The following TAFA2 variants were observed in gnomAD, a reference collection of about 807,000 sequenced individuals.
TAFA2 encodes chemokine-like protein TAFA-2.
TAFA2 carries 7 observed loss-of-function variants against 18.8 expected under a neutral mutation model. The ratio of observed to expected loss-of-function variants is 0.37; its 90% CI spans 0.21 to 0.70. TAFA2 has a LOEUF of 0.70. Ranked by LOEUF, TAFA2 falls within the 30% of genes least tolerant of loss-of-function variation. The pLI, the probability that TAFA2 is intolerant of heterozygous loss-of-function variation, is 0.53. For missense variants in TAFA2, 122 were observed against 158.1 expected (o/e 0.77, Z 1.23); for synonymous variants, 60 against 54.2 (o/e 1.11, Z -0.47).
intron 1 of TAFA2, among the ~76,000 whole-genome samples, chr12:62,057,467 G>GAATACA (rs1882217605): frequency 6.6e-6 from 1 of 150,884 alleles, no homozygotes; most frequent in Admixed American, 6.6e-5. Flanking sequence ...ATTATATGAG[G>GAATACA]GTTTATTCCT....
rs371973017 is a variant in TAFA2 at position 61,830,826 on chromosome 12, C to T, written c.106+36494G>A. On this transcript the variant is annotated intron_variant, in intron 2 of 4. Coordinates refer to ENST00000416284, the MANE Select transcript of TAFA2 (RefSeq NM_178539.5). ...CATTCCCATACCTCAGAATTTAATTCTACGATGAAGATATTTCACTTCGGC... is the reference window on the plus strand; with the variant it reads ...CATTCCCATACCTCAGAATTTAATTTTACGATGAAGATATTTCACTTCGGC... 8.6e-5 allele frequency among the ~76,000 whole-genome samples: 13 copies of T among 152,018 alleles called. No homozygotes were observed. The South Asian group carries it at 1.2e-3, about 15-fold the overall frequency.
intron 1 of TAFA2, among the ~76,000 whole-genome samples, chr12:62,033,157 G>A (rs1310583251): frequency 6.6e-6 from 1 of 152,120 alleles, no homozygotes; most frequent in African/African-American, 2.4e-5. Context: ...CTTTTCAAAG[G>A]CTGGAATTAT....
intron 1 of TAFA2, among the ~76,000 whole-genome samples, chr12:62,012,996 C>T (rs79576139): frequency 0.069 from 10,452 of 152,068 alleles, 461 homozygotes; most frequent in Non-Finnish European, 0.11. Flanking sequence ...ATTAATTTCT[C>T]GCCCAAGAGG....
At chr12:61,954,486 A>G (rs1262338333) in intron 1 of TAFA2, among the ~76,000 whole-genome samples, 4 of 152,082 alleles carry the variant, frequency 2.6e-5, no homozygotes, top group African/African-American at 9.7e-5. Context: ...CATAGTATGG[A>G]TTTGGTTATT....
At chr12:61,751,249 TG>T (rs1377171972) in intron 4 of TAFA2, among the ~76,000 whole-genome samples, 8 of 152,082 alleles carry the variant, frequency 5.3e-5, no homozygotes, top group African/African-American at 1.9e-4. Flanking sequence ...GAAAACTTTT[TG>T]CTTCATTTGT....
intron 1 of TAFA2, among the ~76,000 whole-genome samples, chr12:61,878,467 GT>G (rs1421790288): frequency 1.3e-5 from 2 of 152,156 alleles, no homozygotes; most frequent in African/African-American, 4.8e-5. Context: ...TTGCTTACTT[GT>G]TTATTGTCTC....
chr12:62,002,947 A>AT (rs1565711930), intron 1 of TAFA2, among the ~76,000 whole-genome samples: 3 of 151,994 alleles, frequency 2.0e-5, no homozygotes, highest in African/African-American at 4.8e-5. Flanking sequence ...AATTCTACCA[A>AT]TTTTTTATGT....
intron 1 of TAFA2, among the ~76,000 whole-genome samples, chr12:62,071,661 T>C (rs1882634093): frequency 6.6e-6 from 1 of 152,172 alleles, no homozygotes; most frequent in South Asian, 2.1e-4. Flanking sequence ...GGGAGGACTC[T>C]AAAGAGAGTT....
chr12:62,219,725 C>T (rs2062752673), intron 1 of TAFA2, among the ~76,000 whole-genome samples: 1 of 152,028 alleles, frequency 6.6e-6, no homozygotes, highest in Non-Finnish European at 1.5e-5. Flanking sequence ...AATCACTCAC[C>T]CAGTACATGA....
rs562283356 is a variant in TAFA2, at chr12:61,829,323, TTGAACTCGTATATGATTAA to T, written c.106+37978_106+37996del. 1.4e-4 allele frequency among the ~76,000 whole-genome samples: 22 copies of T among 151,906 alleles called. No individual in the cohort carries two copies. The East Asian group carries it at 3.1e-3, about 21-fold the overall frequency. ...TATTTTAATGCCGTATCAGGCATTATTGAACTCGTATATGATTAATGATCATGTAATGGATAGATTATCA... is the reference window on the plus strand; with the variant it reads ...TATTTTAATGCCGTATCAGGCATTATTGATCATGTAATGGATAGATTATCA... On this transcript the variant is annotated intron_variant, in intron 2 of 4. Coordinates refer to ENST00000416284, the MANE Select transcript of TAFA2 (RefSeq NM_178539.5).
chr12:61,781,404 G>A (rs902886300), intron 2 of TAFA2, among the ~76,000 whole-genome samples: 2 of 151,758 alleles, frequency 1.3e-5, no homozygotes, highest in Non-Finnish European at 2.9e-5. Context: ...TGCAAACACA[G>A]GCAGCACACT....
At chr12:61,861,696 T>C (rs2359981) in intron 2 of TAFA2, among the ~76,000 whole-genome samples, 2 of 151,934 alleles carry the variant, frequency 1.3e-5, no homozygotes, top group African/African-American at 4.8e-5. Flanking sequence ...TCCAGAAAAA[T>C]TTATGGCTAT....
At chr12:61,794,173 C>G (rs1227563516) in intron 2 of TAFA2, among the ~76,000 whole-genome samples, 1 of 151,938 alleles carries the variant, frequency 6.6e-6, no homozygotes, top group Non-Finnish European at 1.5e-5. Flanking sequence ...CACCTGTATT[C>G]AACATTTTAC....
At chr12:62,129,941 T>C (rs971987838) in intron 1 of TAFA2, among the ~76,000 whole-genome samples, 12 of 152,046 alleles carry the variant, frequency 7.9e-5, no homozygotes, top group Non-Finnish European at 1.3e-4. Context: ...TTCTCAACCA[T>C]TCTGGATAAA....
intron 1 of TAFA2, among the ~76,000 whole-genome samples, chr12:62,143,776 C>T (rs1592362792): frequency 6.6e-6 from 1 of 152,074 alleles, no homozygotes; most frequent in Admixed American, 6.5e-5. Context: ...GGTGTGGTGG[C>T]TTATGTCTGT....
At chr12:61,786,430 A>C (rs1027765597) in intron 2 of TAFA2, among the ~76,000 whole-genome samples, 1 of 151,618 alleles carries the variant, frequency 6.6e-6, no homozygotes, top group Non-Finnish European at 1.5e-5. Context: ...TCTGTCATCC[A>C]CTCAAAAATG....
At chr12:61,879,719 C>T in intron 1 of TAFA2, 1 of 1,152,166 alleles carries the variant, frequency 8.7e-7, no homozygotes. Flanking sequence ...GAAGATGGCT[C>T]AGAGCAACAT....
chr12:62,109,238 T>A (rs929469415), intron 1 of TAFA2, among the ~76,000 whole-genome samples: 11 of 152,320 alleles, frequency 7.2e-5, no homozygotes, highest in Middle Eastern at 3.4e-3. Flanking sequence ...AAATAAAGAA[T>A]CCTTTCCCCA....
At chr12:62,096,381 A>G (rs537102799) in intron 1 of TAFA2, among the ~76,000 whole-genome samples, 1 of 152,278 alleles carries the variant, frequency 6.6e-6, no homozygotes, top group Non-Finnish European at 1.5e-5. Context: ...TCAAAAGGAA[A>G]CTGTTTAAAA....
Sources: allele counts gnomAD v4.1 joint callset (sites outside exome capture counted in the v4.1 genomes callset), GRCh38; gene constraint gnomAD v4.1.1; transcripts MANE v1.5; gene names NCBI Gene and HGNC (gene_info 2026-07-23, HGNC 2026-07-21).